PDE1A: variants seen among roughly 807,000 people sequenced by gnomAD.
The protein encoded by PDE1A is dual specificity calcium/calmodulin-dependent 3',5'-cyclic nucleotide phosphodiesterase 1A.
In PDE1A, 35 loss-of-function variants were observed where a neutral mutation model predicts 61.7. The ratio of observed to expected loss-of-function variants is 0.57; its 90% CI spans 0.43 to 0.75. The LOEUF (loss-of-function observed/expected upper bound fraction) is 0.75, where lower values mean the gene tolerates loss of function less well. Among genes scored for constraint, PDE1A ranks in the 30% least tolerant of loss-of-function variants. The probability of loss-of-function intolerance (pLI) is 0.00; values close to 1 mark genes in which losing one functional copy is unlikely to be tolerated. For synonymous variants in PDE1A, 232 were observed against 213.2 expected (o/e 1.09, Z -0.77); for missense variants, 597 against 630.6 (o/e 0.95, Z 0.57).
chr2:182,298,137 T>A (rs982685237), intron 1 of PDE1A, among the ~76,000 whole-genome samples: 3 of 152,326 alleles, frequency 2.0e-5, no homozygotes, highest in Middle Eastern at 3.4e-3. Flanking sequence ...CCACAATTGT[T>A]AACTCATCTG....
chr2:182,340,274 C>A (rs1158989439), intron 1 of PDE1A, among the ~76,000 whole-genome samples: 1 of 152,166 alleles, frequency 6.6e-6, no homozygotes, highest in Non-Finnish European at 1.5e-5. Flanking sequence ...GAAAGTATGT[C>A]TAATAAAATT....
the PDE1A span, among the ~76,000 whole-genome samples, chr2:182,684,740 A>G: frequency 6.6e-6 from 1 of 152,152 alleles, no homozygotes; most frequent in Non-Finnish European, 1.5e-5. Flanking sequence ...TAGTAGAGAC[A>G]GGATTTTGCC....
chr2:182,586,637 A>G, the PDE1A span, among the ~76,000 whole-genome samples: 1 of 152,200 alleles, frequency 6.6e-6, no homozygotes, highest in Non-Finnish European at 1.5e-5. Context: ...TTTACATCCT[A>G]CAGTGGCCTC....
intron 13 of PDE1A, among the ~76,000 whole-genome samples, chr2:182,177,946 T>A (rs560508228): frequency 1.3e-5 from 2 of 152,172 alleles, no homozygotes; most frequent in South Asian, 2.1e-4. Context: ...ACTTGATAAA[T>A]GTTCTTTGAA....
At position 182,259,816 on chromosome 2, in the gene PDE1A, GA is replaced by G. The variant is rs375442827; in HGVS notation, c.167+4484del. ...GGCAGCTGCCTGCCCTGCTATGCATGAGGCCAAAAATGCTACTTTGCTTGGC... is the reference window on the plus strand; with the variant it reads ...GGCAGCTGCCTGCCCTGCTATGCATGGGCCAAAAATGCTACTTTGCTTGGC... On this transcript the variant is annotated intron_variant, in intron 2 of 13. Transcript: ENST00000351439. Among the ~76,000 whole-genome samples the G allele has an allele frequency of 4.5e-4, 68 of 152,324 alleles. No individual in the cohort carries two copies. In the East Asian group the frequency reaches 0.011, roughly 25 times the overall value.
chr2:182,279,484 C>T (rs1332141083), intron 1 of PDE1A, among the ~76,000 whole-genome samples: 1 of 151,806 alleles, frequency 6.6e-6, no homozygotes, highest in Admixed American at 6.6e-5. Flanking sequence ...TTTTTCTTTC[C>T]ACAGTCAATA....
intron 7 of PDE1A, among the ~76,000 whole-genome samples, chr2:182,207,587 G>T (rs1394326015): frequency 6.6e-6 from 1 of 152,216 alleles, no homozygotes; most frequent in South Asian, 2.1e-4. Context: ...TAAAATAGTT[G>T]CAGCCTGACC....
chr2:182,446,518 T>A (rs1685145507), intron 2 of PDE1A, among the ~76,000 whole-genome samples: 1 of 152,142 alleles, frequency 6.6e-6, no homozygotes, highest in Non-Finnish European at 1.5e-5. Context: ...CTAAGTATTC[T>A]GTGTCTAAAA....
the PDE1A span, among the ~76,000 whole-genome samples, chr2:182,621,365 T>A: frequency 6.6e-6 from 1 of 152,192 alleles, no homozygotes; most frequent in Non-Finnish European, 1.5e-5. Context: ...CTCTATCAAA[T>A]GTTTTTGCTT....
At chr2:182,385,265 C>G (rs544706433) in intron 1 of PDE1A, among the ~76,000 whole-genome samples, 1 of 152,300 alleles carries the variant, frequency 6.6e-6, no homozygotes, top group African/African-American at 2.4e-5. Context: ...ATTCATCATA[C>G]TCTAATACTA....
intron 2 of PDE1A, among the ~76,000 whole-genome samples, chr2:182,507,609 A>G (rs1385807864): frequency 2.0e-5 from 3 of 152,138 alleles, no homozygotes; most frequent in African/African-American, 7.2e-5. Flanking sequence ...AGTAAGTATG[A>G]GAGAGATTAG....
intron 2 of PDE1A, among the ~76,000 whole-genome samples, chr2:182,461,832 G>A (rs1296936519): frequency 6.6e-6 from 1 of 152,008 alleles, no homozygotes; most frequent in Non-Finnish European, 1.5e-5. Context: ...CATCCTCATG[G>A]TGTATCTCAT....
chr2:182,688,054 G>A, the PDE1A span, among the ~76,000 whole-genome samples: 1 of 152,192 alleles, frequency 6.6e-6, no homozygotes, highest in Admixed American at 6.5e-5. Context: ...AGGTCTGACT[G>A]GTGTACCTGA....
chr2:182,512,674 T>C (rs1291906511), intron 2 of PDE1A, among the ~76,000 whole-genome samples: 1 of 152,104 alleles, frequency 6.6e-6, no homozygotes, highest in African/African-American at 2.4e-5. Flanking sequence ...AAGAGAAACT[T>C]GAAACCCAAT....
exon 6 of PDE1A, chr2:182,230,102 A>G (rs763327207): frequency 6.2e-6 from 10 of 1,612,852 alleles, no homozygotes; most frequent in Non-Finnish European, 6.8e-6. Context: ...TGCTGTAACC[A>G]ACTTCTAAAG....
intron 1 of PDE1A, among the ~76,000 whole-genome samples, chr2:182,331,644 G>T (rs1051713430): frequency 1.2e-4 from 19 of 152,116 alleles, no homozygotes; most frequent in Non-Finnish European, 2.8e-4. Context: ...TGGGTTGAAA[G>T]TTCTTTTCTT....
At chr2:182,299,041 T>C (rs552886933) in intron 1 of PDE1A, among the ~76,000 whole-genome samples, 18 of 152,172 alleles carry the variant, frequency 1.2e-4, no homozygotes, top group Admixed American at 2.6e-4. Context: ...GGTCCCCTTG[T>C]AGAAGAATCC....
chr2:182,638,323 G>A, the PDE1A span, among the ~76,000 whole-genome samples: 1 of 152,110 alleles, frequency 6.6e-6, no homozygotes, highest in Non-Finnish European at 1.5e-5. Flanking sequence ...TGGATCACCT[G>A]AGGTCAGAAG....
chr2:182,552,303 C>A, the PDE1A span, among the ~76,000 whole-genome samples: 3 of 152,220 alleles, frequency 2.0e-5, no homozygotes, highest in Non-Finnish European at 2.9e-5. Context: ...ATAAGCAACT[C>A]CCCAAATTTT....
Sources: gnomAD v4.1 joint callset for allele counts (sites outside exome capture counted in the v4.1 genomes callset) on GRCh38, gnomAD v4.1.1 for gene constraint, MANE v1.5 for transcripts, NCBI Gene and HGNC (gene_info 2026-07-23, HGNC 2026-07-21) for gene names.